WASF3: variants seen among roughly 807,000 people sequenced by gnomAD.
WASF3 encodes the protein WASP family member 3, also known as actin-binding protein WASF3.
In WASF3, 11 loss-of-function variants were observed where a neutral mutation model predicts 46.6. That is an observed-to-expected ratio of 0.24 (90% CI 0.15 to 0.39). The LOEUF is 0.39. Among genes scored for constraint, WASF3 ranks in the 10% least tolerant of loss-of-function variants. The pLI, the probability that WASF3 is intolerant of heterozygous loss-of-function variation, is 1.00. For missense variants in WASF3, 576 were observed against 669.8 expected, an observed-to-expected ratio of 0.86 and a Z score of 1.55; for synonymous variants, 242 against 259.7, an observed-to-expected ratio of 0.93 and a Z score of 0.65.
chr13:26,681,688 A>C (rs1448833542), intron 8 of WASF3, among the ~76,000 whole-genome samples: 1 of 152,174 alleles, frequency 6.6e-6, no homozygotes, highest in Non-Finnish European at 1.5e-5. Context: ...TTGTTATCAC[A>C]GACGAGAAGA....
the WASF3 span, among the ~76,000 whole-genome samples, chr13:26,544,278 TACTC>T: frequency 6.6e-6 from 1 of 152,252 alleles, no homozygotes; most frequent in Non-Finnish European, 1.5e-5. Context: ...CATTGTTTTT[TACTC>T]ACTCTTCATC....
chr13:26,658,702 A>G (rs556069309), intron 3 of WASF3, among the ~76,000 whole-genome samples: 2 of 152,348 alleles, frequency 1.3e-5, no homozygotes, highest in African/African-American at 4.8e-5. Flanking sequence ...GAGCACAAGC[A>G]GTGCAGAGGT....
At chr13:26,539,385 G>C in the WASF3 span, among the ~76,000 whole-genome samples, 1 of 152,132 alleles carries the variant, frequency 6.6e-6, no homozygotes, top group East Asian at 1.9e-4. Flanking sequence ...AGAAAACAGG[G>C]AAGGCAATTT....
At chr13:26,654,416 T>G (rs1882409050) in intron 3 of WASF3, among the ~76,000 whole-genome samples, 3 of 152,196 alleles carry the variant, frequency 2.0e-5, no homozygotes, top group Non-Finnish European at 1.5e-5. Flanking sequence ...ATAAAAAATA[T>G]TGCTTTATTT....
chr13:26,551,581 C>T, the WASF3 span, among the ~76,000 whole-genome samples: 2 of 152,118 alleles, frequency 1.3e-5, no homozygotes, highest in East Asian at 3.8e-4. Context: ...TTAACCGTGG[C>T]AATAAAGCCA....
chr13:26,588,930 T>G (rs2137180319), intron 1 of WASF3, among the ~76,000 whole-genome samples: 1 of 152,220 alleles, frequency 6.6e-6, no homozygotes, highest in South Asian at 2.1e-4. Flanking sequence ...CCCAAGTGGC[T>G]GGGGCCACAG....
chr13:26,578,355 C>T (rs1339510462), intron 1 of WASF3, among the ~76,000 whole-genome samples: 1 of 152,088 alleles, frequency 6.6e-6, no homozygotes, highest in Non-Finnish European at 1.5e-5. Context: ...AAGTTGCTAC[C>T]TTAGCATTCA....
rs756781551 is a variant in WASF3 at position 26,682,669 on chromosome 13, C to T, written c.1046C>T (p.Pro349Leu). ...TCCGGACCACCTCCTCCGCCACCTC[C>T]TCCTGTGATTCCCTCAGCACAAACT... is the stretch of plus-strand genomic sequence containing the variant. ...NPSGPPPPPP[P>L]PVIPSAQTAF... The change falls in exon 9 of 10, where the codon CCT becomes CTT. Residue 349 changes from proline (P) to leucine (L), a missense_variant. Around this residue, in one of 3 missense-constraint regions of WASF3, gnomAD observed 295 missense variants for 291.5 expected, o/e 1.01. Transcript: ENST00000335327. The surrounding 1 kb of genome is among the most constrained non-coding windows in gnomAD (Gnocchi z 4.4). The T allele has an allele frequency of 3.1e-6, 5 of 1,614,208 alleles. No individual in the cohort carries two copies. The highest frequency in any genetic ancestry group is 3.3e-5 in the Admixed American group (2 of 60,026).
intron 1 of WASF3, among the ~76,000 whole-genome samples, chr13:26,610,972 A>G (rs1015841612): frequency 6.6e-6 from 1 of 151,898 alleles, no homozygotes; most frequent in Non-Finnish European, 1.5e-5. Flanking sequence ...CAGCAAAGAA[A>G]AAGGCATGTG....
chr13:26,661,995 C>T (rs1490126050), intron 3 of WASF3, among the ~76,000 whole-genome samples: 3 of 152,142 alleles, frequency 2.0e-5, no homozygotes, highest in Admixed American at 2.0e-4. Flanking sequence ...ATGCCTGAGG[C>T]AGAGGGAGCA....
chr13:26,616,128 T>C (rs1881126451), intron 2 of WASF3, among the ~76,000 whole-genome samples: 2 of 152,228 alleles, frequency 1.3e-5, no homozygotes, highest in Non-Finnish European at 2.9e-5. Context: ...TTTGGGTAAA[T>C]ATCTAGGAGT....
chr13:26,610,617 A>C (rs866950144), intron 1 of WASF3, among the ~76,000 whole-genome samples: 1 of 152,216 alleles, frequency 6.6e-6, no homozygotes, highest in Non-Finnish European at 1.5e-5. Context: ...CATTTGTGAC[A>C]CAGGGAGTGT....
Position 26,629,997 on chromosome 13 carries a change from T to C in WASF3, c.-10-12264T>C, listed in dbSNP as rs575127819. The stretch of plus-strand genomic sequence containing the variant: ...TTCCTTATTTTTTAAATTTTTCTTT[T>C]ATTTTTATTTATTTATTTTTTGAGT... On this transcript the variant is annotated intron_variant, in intron 2 of 9. Transcript: ENST00000335327. Among the ~76,000 whole-genome samples, 9 of 152,260 alleles carry C rather than the reference T, an allele frequency of 5.9e-5. No individual in the cohort carries two copies. In the South Asian group the frequency reaches 1.9e-3, roughly 32 times the overall value.
intron 2 of WASF3, among the ~76,000 whole-genome samples, chr13:26,630,519 A>G (rs1473503502): frequency 6.6e-6 from 1 of 152,200 alleles, no homozygotes; most frequent in Admixed American, 6.5e-5. Context: ...ACAGTATTCC[A>G]TGGTTTATAT....
At chr13:26,539,735 G>A in the WASF3 span, among the ~76,000 whole-genome samples, 3 of 152,146 alleles carry the variant, frequency 2.0e-5, no homozygotes, top group African/African-American at 7.2e-5. Flanking sequence ...TTCTGAATCT[G>A]ACCAGGTTCC....
intron 3 of WASF3, among the ~76,000 whole-genome samples, chr13:26,657,475 C>G (rs905349207): frequency 3.9e-5 from 6 of 152,210 alleles, no homozygotes; most frequent in African/African-American, 1.4e-4. Context: ...GGCCAAAATA[C>G]TACTTTAAAA....
chr13:26,577,479 A>G, intron 1 of WASF3: 5 of 1,017,258 alleles, frequency 4.9e-6, no homozygotes, highest in East Asian at 2.4e-5. Flanking sequence ...GACATAGAAA[A>G]GACTTGCCAA....
chr13:26,592,692 C>T (rs1284708521), intron 1 of WASF3, among the ~76,000 whole-genome samples: 1 of 152,174 alleles, frequency 6.6e-6, no homozygotes, highest in East Asian at 1.9e-4. Context: ...GGAGCTTCCA[C>T]ATGATTTTGG....
intron 1 of WASF3, among the ~76,000 whole-genome samples, chr13:26,558,873 A>T (rs1879191723): frequency 6.6e-6 from 1 of 152,198 alleles, no homozygotes; most frequent in Non-Finnish European, 1.5e-5. Flanking sequence ...GGGGGAGAGG[A>T]TAGCTATTTG....
Sources: allele counts gnomAD v4.1 joint callset (sites outside exome capture counted in the v4.1 genomes callset), GRCh38; gene constraint gnomAD v4.1.1; regional missense constraint gnomAD v4.1.1; non-coding constraint Gnocchi (gnomAD v3.1); transcripts MANE v1.5; gene names NCBI Gene and HGNC (gene_info 2026-07-23, HGNC 2026-07-21).